RAD51B: variants seen among roughly 807,000 people sequenced by gnomAD.
RAD51B encodes the protein RAD51 paralog B, also known as DNA repair protein RAD51 homolog 2.
A neutral mutation model predicts 42.2 loss-of-function variants in RAD51B; 38 were observed. The observed-to-expected ratio is 0.90, with a 90% CI of 0.70 to 1.18. RAD51B has a LOEUF of 1.18. Ranked by LOEUF, RAD51B falls within the 50% of genes most tolerant of loss-of-function variation. RAD51B has a pLI of 0.00. For missense variants in RAD51B, 373 were observed against 400.7 expected, an observed-to-expected ratio of 0.93 and a Z score of 0.59; for synonymous variants, 154 against 145.2, an observed-to-expected ratio of 1.06 and a Z score of -0.43.
Position 67,865,525 on chromosome 14 carries a change from CTG to C in RAD51B, c.452+389_452+390del, listed in dbSNP as rs1200265002. On this transcript the variant is annotated intron_variant, in intron 5 of 10. Transcript: ENST00000471583. ...GTGCTGGGATTATAGGCGTGAGCCA[CTG>C]TGCCTGGCTTTTTTTTTTTTTTTTT... Among the ~76,000 whole-genome samples, 52 of 146,418 alleles carry C rather than the reference CTG, an allele frequency of 3.6e-4. No individual in the cohort carries two copies. The East Asian group carries it at 9.1e-3, about 26-fold the overall frequency.
chr14:68,382,340 G>A (rs1342792082), intron 8 of RAD51B, among the ~76,000 whole-genome samples: 1 of 152,138 alleles, frequency 6.6e-6, no homozygotes, highest in Non-Finnish European at 1.5e-5. Context: ...GGGAGAGAGA[G>A]GAAGAATTGT....
At chr14:68,262,178 CAG>C (rs1247920431) in intron 7 of RAD51B, among the ~76,000 whole-genome samples, 2 of 152,104 alleles carry the variant, frequency 1.3e-5, no homozygotes, top group Non-Finnish European at 2.9e-5. Context: ...ATGTTGTAGA[CAG>C]AGTAGGAGGA....
intron 9 of RAD51B, among the ~76,000 whole-genome samples, chr14:68,420,490 A>G (rs1216593894): frequency 6.6e-6 from 1 of 152,042 alleles, no homozygotes; most frequent in Non-Finnish European, 1.5e-5. Flanking sequence ...GTTTTCCTGT[A>G]AAGAGGTGGG....
intron 7 of RAD51B, among the ~76,000 whole-genome samples, chr14:68,040,760 G>A (rs1292910765): frequency 1.3e-5 from 2 of 152,190 alleles, no homozygotes; most frequent in South Asian, 2.1e-4. Context: ...GGTCCTCACA[G>A]CATTCTTAGA....
At chr14:68,147,540 T>A (rs550231390) in intron 7 of RAD51B, among the ~76,000 whole-genome samples, 2 of 152,306 alleles carry the variant, frequency 1.3e-5, no homozygotes, top group South Asian at 4.1e-4. Flanking sequence ...AAACTGCATC[T>A]GTCACTAGAT....
chr14:68,140,740 T>C (rs1164951342), intron 7 of RAD51B, among the ~76,000 whole-genome samples: 1 of 152,220 alleles, frequency 6.6e-6, no homozygotes, highest in Non-Finnish European at 1.5e-5. Context: ...GTAGATTTCA[T>C]ACTTTTTCAA....
chr14:67,995,774 C>T lies in RAD51B; in HGVS notation c.756+108570C>T, dbSNP rs546200069. ...CTGGGACTACAGGCGCCCGCCACCA[C>T]GCCTGGCTAATTTTTTGTATTTTTA... is the stretch of plus-strand genomic sequence containing the variant. On this transcript the variant is annotated intron_variant, in intron 7 of 10. Coordinates refer to ENST00000471583, the MANE Select transcript of RAD51B (RefSeq NM_133510.4). 5.2e-3 allele frequency among the ~76,000 whole-genome samples: 794 copies of T among 151,962 alleles called. 5 individuals carry two copies. The highest frequency in any genetic ancestry group is 0.018 in the African/African-American group (748 of 41,506).
chr14:67,932,130 CCCT>C (rs2044760756), intron 7 of RAD51B, among the ~76,000 whole-genome samples: 1 of 152,142 alleles, frequency 6.6e-6, no homozygotes, highest in African/African-American at 2.4e-5. Context: ...CTTCCTCCCT[CCCT>C]CCTACCTCAT....
At chr14:67,911,007 G>A (rs984100321) in intron 7 of RAD51B, among the ~76,000 whole-genome samples, 11 of 151,968 alleles carry the variant, frequency 7.2e-5, no homozygotes, top group African/African-American at 1.9e-4. Flanking sequence ...TAGTAAAGAC[G>A]AGGTGTCACT....
chr14:68,344,946 CAAAAAAAAAAAA>C, intron 8 of RAD51B, among the ~76,000 whole-genome samples: 1 of 113,284 alleles, frequency 8.8e-6, no homozygotes, highest in East Asian at 2.7e-4. Context: ...GACTCAATCT[CAAAAAAAAAAAA>C]AAAAAAAAAC....
chr14:68,054,947 T>C (rs2076450448), intron 7 of RAD51B, among the ~76,000 whole-genome samples: 2 of 152,126 alleles, frequency 1.3e-5, no homozygotes, highest in African/African-American at 4.8e-5. Context: ...TGGTGTCTAC[T>C]AAAGAACCGA....
chr14:68,130,314 A>G (rs748579885), intron 7 of RAD51B: 6 of 152,200 alleles, frequency 3.9e-5, no homozygotes, highest in Non-Finnish European at 8.8e-5. Flanking sequence ...CATTCTTATT[A>G]TATACATCAG....
At chr14:67,854,524 C>T (rs765813875) in intron 4 of RAD51B, among the ~76,000 whole-genome samples, 2 of 151,606 alleles carry the variant, frequency 1.3e-5, no homozygotes, top group Admixed American at 6.6e-5. Flanking sequence ...GTGCCAGCTA[C>T]TTGGGAGGCT....
At chr14:68,663,704 C>T (rs775214592) in intron 11 of RAD51B, among the ~76,000 whole-genome samples, 88 of 152,262 alleles carry the variant, frequency 5.8e-4, no homozygotes, top group Admixed American at 3.7e-3. Context: ...CAGTGCTAGA[C>T]GTGGGAGGGA....
At chr14:68,210,900 A>C (rs1050585673) in intron 7 of RAD51B, among the ~76,000 whole-genome samples, 2 of 152,160 alleles carry the variant, frequency 1.3e-5, no homozygotes, top group African/African-American at 4.8e-5. Flanking sequence ...TCCCAGGCTG[A>C]GTCACCAAGT....
chr14:68,124,155 T>C (rs943167980), intron 7 of RAD51B, among the ~76,000 whole-genome samples: 3 of 152,160 alleles, frequency 2.0e-5, no homozygotes, highest in African/African-American at 4.8e-5. Context: ...CATATGAAGA[T>C]TGGAGCTATC....
chr14:68,374,030 C>T (rs1313209655), intron 8 of RAD51B, among the ~76,000 whole-genome samples: 3 of 152,160 alleles, frequency 2.0e-5, no homozygotes, highest in African/African-American at 4.8e-5. Flanking sequence ...TAATTTTAAG[C>T]ACTTTCATAC....
At chr14:68,363,857 C>A (rs1248016270) in intron 8 of RAD51B, among the ~76,000 whole-genome samples, 1 of 152,070 alleles carries the variant, frequency 6.6e-6, no homozygotes, top group Admixed American at 6.5e-5. Flanking sequence ...GGCTGGAAGT[C>A]GTATCAGCCG....
chr14:68,087,892 TA>T (rs1311931281), intron 7 of RAD51B, among the ~76,000 whole-genome samples: 2 of 117,980 alleles, frequency 1.7e-5, no homozygotes, highest in African/African-American at 7.4e-5. Flanking sequence ...AATTATATAA[TA>T]TATTATTTAT....
Sources: gnomAD v4.1 joint callset for allele counts (sites outside exome capture counted in the v4.1 genomes callset) on GRCh38, gnomAD v4.1.1 for gene constraint, MANE v1.5 for transcripts, NCBI Gene and HGNC (gene_info 2026-07-23, HGNC 2026-07-21) for gene names.